The following VAPA variants were observed in gnomAD, a reference collection of about 807,000 sequenced individuals.
VAPA encodes vesicle-associated membrane protein-associated protein A.
Under a neutral mutation model 25.6 loss-of-function variants are expected in VAPA, and 6 were observed. The observed-to-expected ratio is 0.23, with a 90% confidence interval of 0.13 to 0.46. VAPA has a LOEUF of 0.46. Among genes scored for constraint, VAPA ranks in the 20% least tolerant of loss-of-function variants. VAPA has a pLI of 0.99. For synonymous variants in VAPA, 112 were observed against 106.2 expected (o/e 1.05, Z -0.34); for missense variants, 244 against 302.1 (o/e 0.81, Z 1.43).
rs1467889316 is a variant in VAPA at position 9,959,774 on chromosome 18, T to G, written c.*5563T>G. On this transcript the variant is annotated 3_prime_UTR_variant, in exon 6 of 6. Transcript: ENST00000400000. ...GTGGAGGGTTGAAATGGTAAGGAAT[T>G]GGAATCTTTTGTATTTTCGAGCAAT... is the stretch of plus-strand genomic sequence containing the variant. 6.7e-6 allele frequency: 1 copy of G among 149,134 alleles called. No homozygotes were observed. The highest frequency in any genetic ancestry group is 1.5e-5 in the Non-Finnish European group (1 of 67,608). The allele number at this position is 149,134 out of a possible 1,614,324, so 9.2% of individuals were successfully genotyped here. A position where few individuals can be genotyped will look rare whatever the true frequency, so the allele number is the denominator to read the frequency against.
At chr18:9,933,818 G>T (rs1457808253) in intron 2 of VAPA, among the ~76,000 whole-genome samples, 1 of 152,186 alleles carries the variant, frequency 6.6e-6, no homozygotes, top group Non-Finnish European at 1.5e-5. Flanking sequence ...GATTACAGGC[G>T]TGAGCCACTG....
chr18:9,936,415 G>T, intron 3 of VAPA: 1 of 378,216 alleles, frequency 2.6e-6, no homozygotes. Flanking sequence ...AAACAATTTA[G>T]AAATGCTGCT....
At chr18:9,945,032 AGT>A (rs764154999) in intron 4 of VAPA, 26 of 1,614,084 alleles carry the variant, frequency 1.6e-5, no homozygotes, top group Non-Finnish European at 2.0e-5. Flanking sequence ...CAGGGGACTC[AGT>A]GTGTTGAAAC....
chr18:9,952,285 G>A (rs1007323329), intron 5 of VAPA, among the ~76,000 whole-genome samples: 1 of 152,084 alleles, frequency 6.6e-6, no homozygotes, highest in African/African-American at 2.4e-5. Flanking sequence ...CAAAAAAGCT[G>A]GGCTGGGCGG....
At chr18:9,940,822 AC>A (rs1184095189) in intron 4 of VAPA, among the ~76,000 whole-genome samples, 3 of 152,190 alleles carry the variant, frequency 2.0e-5, no homozygotes, top group African/African-American at 7.2e-5. Flanking sequence ...ATAGAATGAG[AC>A]TTAAAGATTG....
At chr18:9,937,328 T>C (rs1000030035) in intron 4 of VAPA, among the ~76,000 whole-genome samples, 1 of 151,878 alleles carries the variant, frequency 6.6e-6, no homozygotes, top group Non-Finnish European at 1.5e-5. Context: ...TCTACCAGAT[T>C]TTTTGTGACG....
intron 4 of VAPA, among the ~76,000 whole-genome samples, chr18:9,945,567 G>T (rs925077780): frequency 2.6e-5 from 4 of 151,580 alleles, no homozygotes; most frequent in African/African-American, 9.7e-5. Context: ...TCACCATGTT[G>T]GCCAGGCTGG....
intron 4 of VAPA, chr18:9,947,688 A>G (rs1490745283): frequency 6.6e-6 from 1 of 152,218 alleles, no homozygotes; most frequent in Non-Finnish European, 1.5e-5. Flanking sequence ...GGTTCTCAGA[A>G]CAACCAGTCT....
At chr18:9,920,074 G>C (rs146018725) in intron 1 of VAPA, among the ~76,000 whole-genome samples, 1 of 152,258 alleles carries the variant, frequency 6.6e-6, no homozygotes. Context: ...TTTGAGAAAC[G>C]GTGGATGTCT....
At chr18:9,927,131 G>GT (rs2069206917) in intron 1 of VAPA, among the ~76,000 whole-genome samples, 1 of 152,114 alleles carries the variant, frequency 6.6e-6, no homozygotes, top group African/African-American at 2.4e-5. Flanking sequence ...ATACTGAGAT[G>GT]TTCAGGAGTG....
rs577804261 is a variant in VAPA at position 9,958,004 on chromosome 18, A to G, written c.*3793A>G. The G allele has an allele frequency of 6.6e-6, 1 of 152,246 alleles. No individual in the cohort carries two copies. The highest frequency in any genetic ancestry group is 6.5e-5 in the Admixed American group (1 of 15,290). 9.4% of individuals were successfully genotyped at this position (152,246 alleles called of 1,614,324 possible). A position where few individuals can be genotyped will look rare whatever the true frequency, so the allele number is the denominator to read the frequency against. The stretch of plus-strand genomic sequence containing the variant: ...AAAGAAGTATAAACATATATCACTA[A>G]GGAAAAAGAAAGTTTGTCTTGCCCT... On this transcript the variant is annotated 3_prime_UTR_variant, in exon 6 of 6. Transcript: ENST00000400000.
intron 1 of VAPA, 22 bp downstream of exon 1, chr18:9,914,357 C>T (rs1311300094): frequency 3.8e-6 from 6 of 1,559,352 alleles, no homozygotes; most frequent in Non-Finnish European, 4.3e-6. Context: ...GGGGACACCC[C>T]CGGGTGGGGT....
At chr18:9,944,947 T>G in intron 4 of VAPA, 1 of 1,614,194 alleles carries the variant, frequency 6.2e-7, no homozygotes, top group Non-Finnish European at 8.5e-7. Context: ...CAGGGAATGC[T>G]CCGACTGTCA....
rs773188316 is a variant in VAPA at position 9,954,244 on chromosome 18, T to TA, written c.*33_*34insA. ...CATGCAGAGTGCTGTTTCTTTTTTT[T>TA]TTTTTCTCTTGACCAGAAAAAGATT... is the stretch of plus-strand genomic sequence containing the variant. On this transcript the variant is annotated 3_prime_UTR_variant, in exon 6 of 6. Transcript: ENST00000400000. 2.6e-6 allele frequency: 4 copies of TA among 1,563,172 alleles called. No individual in the cohort carries two copies. In the South Asian group the frequency reaches 4.8e-5, roughly 19 times the overall value.
chr18:9,921,968 T>G (rs2069160255), intron 1 of VAPA, among the ~76,000 whole-genome samples: 1 of 152,106 alleles, frequency 6.6e-6, no homozygotes, highest in South Asian at 2.1e-4. Flanking sequence ...TATTTATATA[T>G]TTTTGTTTGC....
chr18:9,940,368 A>G (rs2069354394), intron 4 of VAPA, among the ~76,000 whole-genome samples: 2 of 150,960 alleles, frequency 1.3e-5, no homozygotes, highest in South Asian at 4.4e-4. Flanking sequence ...GCTCAGGGCC[A>G]TTTCAGTGGG....
chr18:9,943,386 A>G (rs1482755704), intron 4 of VAPA, among the ~76,000 whole-genome samples: 1 of 152,176 alleles, frequency 6.6e-6, no homozygotes, highest in Non-Finnish European at 1.5e-5. Context: ...AGCATAAGCA[A>G]ATACCATCCT....
At chr18:9,935,502 G>T (rs1277878216) in intron 2 of VAPA, among the ~76,000 whole-genome samples, 1 of 152,202 alleles carries the variant, frequency 6.6e-6, no homozygotes, top group African/African-American at 2.4e-5. Flanking sequence ...TGAGCCTAGG[G>T]AGGTTGAGGC....
In VAPA at chr18:9,956,600, TTC is replaced by T. The variant is rs1433851078; in HGVS notation, c.*2391_*2392del. The T allele has an allele frequency of 2.6e-5, 4 of 152,636 alleles. No homozygotes were observed. Among genetic ancestry groups the T allele is most frequent in the Non-Finnish European group, 5.9e-5 (4 of 68,028 alleles). The allele number at this position is 152,636 out of a possible 1,614,324, so 9.5% of individuals were successfully genotyped here. ...TCTGATTGTATAGGTGAGACTCTGTTTCTGTTATTTTTAATTGCTGTATGAAA... is the reference window on the plus strand; with the variant it reads ...TCTGATTGTATAGGTGAGACTCTGTTTGTTATTTTTAATTGCTGTATGAAA... On this transcript the variant is annotated 3_prime_UTR_variant, in exon 6 of 6. Coordinates refer to ENST00000400000, the MANE Select transcript of VAPA (RefSeq NM_194434.3).
Sources: allele counts gnomAD v4.1 joint callset (sites outside exome capture counted in the v4.1 genomes callset), GRCh38; gene constraint gnomAD v4.1.1; transcripts MANE v1.5; gene names NCBI Gene and HGNC (gene_info 2026-07-23, HGNC 2026-07-21).